The following SPTBN4 variants were observed in gnomAD, a reference collection of about 807,000 sequenced individuals.
SPTBN4 encodes spectrin beta chain, non-erythrocytic 4.
SPTBN4 carries 96 observed loss-of-function variants against 277.8 expected under a neutral mutation model. That is an observed-to-expected ratio of 0.35 (90% CI 0.29 to 0.41). The LOEUF is 0.41. Ranked by LOEUF, SPTBN4 falls within the 10% of genes least tolerant of loss-of-function variation. The probability of loss-of-function intolerance (pLI) is 1.00; values close to 1 mark genes in which losing one functional copy is unlikely to be tolerated. For missense variants in SPTBN4, 3,006 were observed against 3,595.7 expected (o/e 0.84, Z 4.19); for synonymous variants, 1,481 against 1,580.3 (o/e 0.94, Z 1.49).
chr19:40,551,813 G>A (rs2080920506), intron 22 of SPTBN4, among the ~76,000 whole-genome samples: 1 of 151,990 alleles, frequency 6.6e-6, no homozygotes, highest in African/African-American at 2.4e-5. Context: ...GGGCAACATG[G>A]GGAAACCCCG....
At chr19:40,530,566 C>A in intron 18 of SPTBN4, 1 of 980,722 alleles carries the variant, frequency 1.0e-6, no homozygotes, top group Non-Finnish European at 1.2e-6. Context: ...GCAGGGACGC[C>A]CCGCCAACGC....
chr19:40,570,952 G>T, intron 33 of SPTBN4: 1 of 508,360 alleles, frequency 2.0e-6, no homozygotes. Context: ...ACCCGTGGGG[G>T]TAGTAGGTGG....
At position 40,560,265 on chromosome 19, in the gene SPTBN4, A is replaced by T. The variant is rs141655052; in HGVS notation, c.5777A>T (p.Glu1926Val). The change falls in exon 27 of 36, where the codon GAG (glutamate) becomes GTG (valine). Residue 1926 changes from glutamate to valine, a missense_variant. By Grantham distance (121) the Glu-to-Val change is moderately radical. This residue lies in a region of SPTBN4 where 425 missense variants were observed against 594.7 expected (regional missense o/e 0.71). Transcript: ENST00000598249. The surrounding 1 kb of genome is among the most constrained non-coding windows in gnomAD (Gnocchi z 5.2). Reference sequence around the variant, plus strand: ...CAGGAGGTGCTGCAGGGTTGGAAAGAGCTGCTGTCAGCCTGTGAGGATGCC... The same window carrying T: ...CAGGAGGTGCTGCAGGGTTGGAAAGTGCTGCTGTCAGCCTGTGAGGATGCC... ...REQEVLQGWK[E>V]LLSACEDARL... is the part of the protein sequence containing the mutation. 104 of 1,613,722 alleles carry T rather than the reference A, an allele frequency of 6.4e-5. No individual in the cohort carries two copies. Among genetic ancestry groups the T allele is most frequent in the Middle Eastern group, 1.6e-4 (1 of 6,084 alleles).
At chr19:40,498,325 T>G (rs2080223203) in intron 7 of SPTBN4, among the ~76,000 whole-genome samples, 1 of 152,144 alleles carries the variant, frequency 6.6e-6, no homozygotes, top group African/African-American at 2.4e-5. Flanking sequence ...CACTTTCATC[T>G]TCACACTGAC....
chr19:40,524,512 CA>C (rs373029329), intron 17 of SPTBN4: 4,964 of 351,390 alleles, frequency 0.014, no homozygotes, highest in South Asian at 0.023. Context: ...GTCCCCCCTC[CA>C]AAAAAAAAAT....
rs1230696589 is a variant in SPTBN4, at chr19:40,513,428, C to T, written c.2639C>T (p.Ala880Val). 6.2e-7 allele frequency: 1 copy of T among 1,603,544 alleles called. No individual in the cohort carries two copies. The highest frequency in any genetic ancestry group is 1.7e-5 in the Admixed American group (1 of 59,324). The change falls in exon 14 of 36, where the codon GCG becomes GTG. Residue 880 changes from alanine to valine, a missense_variant. This residue lies in a region of SPTBN4 where 1,759 missense variants were observed against 2,061.5 expected (regional missense o/e 0.85). Coordinates refer to ENST00000598249, the MANE Select transcript of SPTBN4 (RefSeq NM_020971.3). ...AALRRQWLRD[A>V]LAVYRMFGEV... is the part of the protein sequence containing the mutation. ...CTGAGGCGCCAGTGGCTGCGGGACGCGCTCGCTGTCTACCGCATGTTTGGC... is the reference window on the plus strand; with the variant it reads ...CTGAGGCGCCAGTGGCTGCGGGACGTGCTCGCTGTCTACCGCATGTTTGGC...
At chr19:40,549,699 C>T (rs932024647) in intron 21 of SPTBN4, among the ~76,000 whole-genome samples, 1 of 152,142 alleles carries the variant, frequency 6.6e-6, no homozygotes, top group Non-Finnish European at 1.5e-5. Flanking sequence ...TCCTCTGTTC[C>T]TCATTCCATC....
At position 40,568,223 on chromosome 19, in the gene SPTBN4, C is replaced by T; in HGVS notation, c.6897C>T (p.Arg2299=). 6.2e-7 allele frequency: 1 copy of T among 1,604,146 alleles called. No homozygotes were observed. The highest frequency in any genetic ancestry group is 8.5e-7 in the Non-Finnish European group (1 of 1,175,626). The change falls in exon 31 of 36, where the codon CGC becomes CGT. Residue 2299 remains arginine (R), a synonymous_variant. Coordinates refer to ENST00000598249, the MANE Select transcript of SPTBN4 (RefSeq NM_020971.3). The part of the protein sequence containing the change: ...MERRRERRER[R]LERQESSEQE... ...GGCGGCGCGAGCGGCGTGAGCGGCG[C>T]TTGGAGCGGCAGGAGTCCAGCGAAC...
At chr19:40,529,709 C>T (rs2080640716) in intron 18 of SPTBN4, among the ~76,000 whole-genome samples, 1 of 152,164 alleles carries the variant, frequency 6.6e-6, no homozygotes, top group Non-Finnish European at 1.5e-5. Context: ...CCCTTGCATT[C>T]CATAGAAACG....
chr19:40,514,277 G>T (rs1447564887), intron 14 of SPTBN4, among the ~76,000 whole-genome samples: 2 of 152,234 alleles, frequency 1.3e-5, no homozygotes, highest in African/African-American at 2.4e-5. Context: ...CCCCTACTGT[G>T]CCTGCAGTTG....
At chr19:40,530,329 C>T (rs375140863) in intron 18 of SPTBN4, among the ~76,000 whole-genome samples, 4 of 152,000 alleles carry the variant, frequency 2.6e-5, no homozygotes, top group Admixed American at 6.5e-5. Flanking sequence ...TCTGAGATGG[C>T]GCAGAAGCCC....
intron 14 of SPTBN4, among the ~76,000 whole-genome samples, chr19:40,513,996 C>T (rs2080425663): frequency 1.3e-5 from 2 of 152,180 alleles, no homozygotes; most frequent in South Asian, 4.1e-4. Context: ...ACTAAAATAG[C>T]TCTGACTCTT....
At position 40,490,257 on chromosome 19, in the gene SPTBN4, C is replaced by T; in HGVS notation, c.495+9C>T. On this transcript the variant is annotated intron_variant, in intron 4 of 35. Transcript: ENST00000598249. The surrounding 1 kb of genome is among the most constrained non-coding windows in gnomAD (Gnocchi z 4.3). ...TCATCCTGCGCTTCCAGGTGACCCT[C>T]GAGTGGCCCCTGCCAAGCCCCGCAA... 2.5e-6 allele frequency: 4 copies of T among 1,610,590 alleles called. No individual in the cohort carries two copies. Among genetic ancestry groups the T allele is most frequent in the Non-Finnish European group, 3.4e-6 (4 of 1,177,878 alleles).
Position 40,554,112 on chromosome 19 carries a change from C to CT in SPTBN4, c.4675-34dup, listed in dbSNP as rs764041436. On this transcript the variant is annotated intron_variant, in intron 22 of 35. Coordinates refer to ENST00000598249, the MANE Select transcript of SPTBN4 (RefSeq NM_020971.3). The surrounding 1 kb of genome is among the most constrained non-coding windows in gnomAD (Gnocchi z 5.7). Reference sequence around the variant, plus strand: ...GTCTTGCAGGGCCTCGGAACGCCCCCTCTCCACCCACATCCCCTTACCTCC... The same window carrying CT: ...GTCTTGCAGGGCCTCGGAACGCCCCCTTCTCCACCCACATCCCCTTACCTCC... 3 of 1,410,290 alleles carry CT rather than the reference C, an allele frequency of 2.1e-6. No individual in the cohort carries two copies. Among genetic ancestry groups the CT allele is most frequent in the East Asian group, 2.8e-5 (1 of 35,932 alleles). 87.4% of individuals were successfully genotyped at this position (1,410,290 alleles called of 1,614,324 possible). A position where few individuals can be genotyped will look rare whatever the true frequency, so the allele number is the denominator to read the frequency against.
intron 14 of SPTBN4, 114 bp downstream of exon 14, chr19:40,513,668 G>A (rs2080421767): frequency 8.8e-7 from 1 of 1,132,650 alleles, no homozygotes; most frequent in Non-Finnish European, 1.2e-6. Flanking sequence ...TCCAATCCCT[G>A]CTTCACCCAT....
Position 40,560,148 on chromosome 19 carries a change from A to C in SPTBN4, c.5671-11A>C, listed in dbSNP as rs1264244826. The C allele has an allele frequency of 5.0e-6, 8 of 1,587,626 alleles. No individual in the cohort carries two copies. The highest frequency in any genetic ancestry group is 6.8e-6 in the Non-Finnish European group (8 of 1,171,560). ...GTGGAGGGCTGGCGCCCGACCTGGC[A>C]TGCCCTTCAGGTACGGCAGCTGCAG... is the stretch of plus-strand genomic sequence containing the variant. On this transcript the variant is annotated splice_polypyrimidine_tract_variant and intron_variant, in intron 26 of 35. Transcript: ENST00000598249. This position sits in a 1 kb window ranked among gnomAD's most constrained non-coding sequence, Gnocchi z 5.2.
At chr19:40,533,610 T>C (rs2080702106) in intron 19 of SPTBN4, among the ~76,000 whole-genome samples, 1 of 152,348 alleles carries the variant, frequency 6.6e-6, no homozygotes, top group Admixed American at 6.5e-5. Flanking sequence ...GGCAGTCTTC[T>C]TGACTTTGAG....
At chr19:40,475,269 C>T (rs538837440) in intron 2 of SPTBN4, among the ~76,000 whole-genome samples, 1 of 152,200 alleles carries the variant, frequency 6.6e-6, no homozygotes, top group East Asian at 1.9e-4. Flanking sequence ...GACACCCTAG[C>T]ACCTTTGACC....
intron 7 of SPTBN4, 65 bp from the exon 8 acceptor site, chr19:40,501,856 C>G: frequency 1.4e-6 from 2 of 1,383,866 alleles, no homozygotes. Flanking sequence ...TCCCTCCATC[C>G]AATACCTTCA....
Sources: allele counts gnomAD v4.1 joint callset (sites outside exome capture counted in the v4.1 genomes callset), GRCh38; gene constraint gnomAD v4.1.1; regional missense constraint gnomAD v4.1.1; non-coding constraint Gnocchi (gnomAD v3.1); transcripts MANE v1.5; gene names NCBI Gene and HGNC (gene_info 2026-07-23, HGNC 2026-07-21).